The following TTC7B variants were observed in gnomAD, a reference collection of about 807,000 sequenced individuals.
The protein encoded by TTC7B is tetratricopeptide repeat protein 7B.
TTC7B carries 28 observed loss-of-function variants against 106.8 expected under a neutral mutation model. The ratio of observed to expected loss-of-function variants is 0.26; its 90% confidence interval spans 0.19 to 0.36. TTC7B has a LOEUF of 0.36. TTC7B is among the 10% of genes least tolerant of loss of function. TTC7B has a pLI of 1.00. For synonymous variants in TTC7B, 405 were observed against 430.6 expected (o/e 0.94, Z 0.74); for missense variants, 862 against 1,076.4 (o/e 0.80, Z 2.79).
At chr14:90,586,656 G>A (rs927989602) in intron 18 of TTC7B, among the ~76,000 whole-genome samples, 1 of 152,200 alleles carries the variant, frequency 6.6e-6, no homozygotes, top group Non-Finnish European at 1.5e-5. Context: ...GGCCGTCTTA[G>A]CACCTATCTT....
intron 15 of TTC7B, among the ~76,000 whole-genome samples, chr14:90,626,388 G>A (rs1462412166): frequency 6.6e-6 from 1 of 152,166 alleles, no homozygotes; most frequent in Non-Finnish European, 1.5e-5. Flanking sequence ...TCCTTCTGAA[G>A]GGATCCCCTG....
At chr14:90,658,265 G>A (rs1229894791) in intron 10 of TTC7B, 39 bp downstream of exon 10, 2 of 1,539,006 alleles carry the variant, frequency 1.3e-6, no homozygotes, top group Non-Finnish European at 1.8e-6. Flanking sequence ...GCCTTAATAG[G>A]AAAGGCATAA....
intron 3 of TTC7B, among the ~76,000 whole-genome samples, chr14:90,768,990 T>G (rs1890776453): frequency 6.6e-6 from 1 of 152,198 alleles, no homozygotes; most frequent in South Asian, 2.1e-4. Context: ...TTAGCTTATG[T>G]TTTGGGGTAT....
At chr14:90,767,950 A>G (rs1890743236) in intron 3 of TTC7B, among the ~76,000 whole-genome samples, 1 of 152,248 alleles carries the variant, frequency 6.6e-6, no homozygotes, top group Non-Finnish European at 1.5e-5. Context: ...TCCAGAATAT[A>G]AACATCCAAG....
chr14:90,580,836 G>A (rs567898538), intron 18 of TTC7B, among the ~76,000 whole-genome samples: 16 of 152,332 alleles, frequency 1.1e-4, no homozygotes, highest in African/African-American at 3.1e-4. Flanking sequence ...GGTATGCCAG[G>A]GATAGCCCTG....
intron 5 of TTC7B, among the ~76,000 whole-genome samples, chr14:90,711,096 T>G (rs1183155937): frequency 2.0e-5 from 3 of 152,212 alleles, no homozygotes; most frequent in Non-Finnish European, 2.9e-5. Context: ...TACAAAATTT[T>G]AGGGAAGCCT....
intron 19 of TTC7B, among the ~76,000 whole-genome samples, chr14:90,556,994 A>G (rs1464547351): frequency 2.0e-5 from 3 of 152,154 alleles, no homozygotes; most frequent in Non-Finnish European, 4.4e-5. Flanking sequence ...GAGGGTCTCC[A>G]TGGTCAGAAA....
chr14:90,799,276 C>G (rs950032469), intron 1 of TTC7B, among the ~76,000 whole-genome samples: 1 of 152,224 alleles, frequency 6.6e-6, no homozygotes, highest in African/African-American at 2.4e-5. Context: ...GCTTCCCTTG[C>G]TCCCTCGGCC....
intron 3 of TTC7B, among the ~76,000 whole-genome samples, chr14:90,756,395 T>G (rs12886950): frequency 2.0e-5 from 3 of 150,082 alleles, no homozygotes; most frequent in African/African-American, 4.9e-5. Flanking sequence ...TTTTTTTTTT[T>G]TGTTTTTTTG....
chr14:90,632,370 T>C lies in TTC7B; in HGVS notation c.1751+11678A>G, dbSNP rs1433586353. Among the ~76,000 whole-genome samples the C allele has an allele frequency of 4.6e-5, 7 of 152,188 alleles. 1 individual carries two copies. In the South Asian group the frequency reaches 1.4e-3, roughly 31 times the overall value. On this transcript the variant is annotated intron_variant, in intron 15 of 19. Transcript: ENST00000328459. ...ACATTATTCAATATGATGTTTCAAC[T>C]TAAACTGAACTTCTCTGAGAGTATG...
chr14:90,584,775 C>T (rs1475296651), intron 18 of TTC7B, among the ~76,000 whole-genome samples: 2 of 152,132 alleles, frequency 1.3e-5, no homozygotes, highest in African/African-American at 4.8e-5. Context: ...TTACCCCTGA[C>T]CCTGCCTCCC....
At chr14:90,568,940 A>G (rs1436837360) in intron 19 of TTC7B, among the ~76,000 whole-genome samples, 1 of 152,228 alleles carries the variant, frequency 6.6e-6, no homozygotes, top group Non-Finnish European at 1.5e-5. Context: ...AGCTTACATC[A>G]TAAGAAAACT....
intron 1 of TTC7B, among the ~76,000 whole-genome samples, chr14:90,788,915 A>G (rs961227786): frequency 1.3e-5 from 2 of 151,934 alleles, no homozygotes; most frequent in Non-Finnish European, 2.9e-5. Context: ...GTGAGCCAAG[A>G]TCATGCCACT....
chr14:90,798,725 A>AAAAAC (rs2030044033), intron 1 of TTC7B, among the ~76,000 whole-genome samples: 1 of 151,030 alleles, frequency 6.6e-6, no homozygotes, highest in Admixed American at 6.6e-5. Flanking sequence ...AAAAAAAAAA[A>AAAAAC]AAAAAAACAC....
intron 3 of TTC7B, among the ~76,000 whole-genome samples, chr14:90,751,148 C>T (rs1312772321): frequency 2.0e-5 from 3 of 151,940 alleles, no homozygotes; most frequent in Admixed American, 6.6e-5. Context: ...GACAGCAATG[C>T]CTAGTAAACA....
chr14:90,568,813 C>T (rs917075754), intron 19 of TTC7B, among the ~76,000 whole-genome samples: 1 of 152,156 alleles, frequency 6.6e-6, no homozygotes, highest in African/African-American at 2.4e-5. Flanking sequence ...TGTGGATGGA[C>T]GGCAGAGGTT....
At chr14:90,629,861 G>C (rs1324489207) in intron 15 of TTC7B, among the ~76,000 whole-genome samples, 1 of 152,244 alleles carries the variant, frequency 6.6e-6, no homozygotes. Context: ...GTGGCTGACA[G>C]GGAGGCTGGG....
intron 13 of TTC7B, among the ~76,000 whole-genome samples, chr14:90,652,592 T>C (rs914943174): frequency 2.6e-5 from 4 of 152,294 alleles, no homozygotes; most frequent in Non-Finnish European, 5.9e-5. Context: ...CCTATCTTTT[T>C]TGAGCTGAAA....
At chr14:90,640,325 A>C (rs1885121541) in intron 15 of TTC7B, among the ~76,000 whole-genome samples, 1 of 152,194 alleles carries the variant, frequency 6.6e-6, no homozygotes, top group Non-Finnish European at 1.5e-5. Context: ...CATGGTATAG[A>C]AACATGAGAG....
Sources: gnomAD v4.1 joint callset for allele counts (sites outside exome capture counted in the v4.1 genomes callset) on GRCh38, gnomAD v4.1.1 for gene constraint, MANE v1.5 for transcripts, NCBI Gene and HGNC (gene_info 2026-07-23, HGNC 2026-07-21) for gene names.